PCDH11X: variants seen among roughly 807,000 people sequenced by gnomAD.
PCDH11X encodes the protein protocadherin 11 X-linked, also known as protocadherin-11 X-linked.
Under a neutral mutation model 53.3 loss-of-function variants are expected in PCDH11X, and 18 were observed. The ratio of observed to expected loss-of-function variants is 0.34; its 90% CI spans 0.23 to 0.50. PCDH11X has a LOEUF of 0.50. Ranked by LOEUF, PCDH11X falls within the 20% of genes least tolerant of loss-of-function variation. The pLI, the probability that PCDH11X is intolerant of heterozygous loss-of-function variation, is 0.98. For synonymous variants in PCDH11X, 279 were observed against 393.3 expected, an observed-to-expected ratio of 0.71 and a Z score of 3.44; for missense variants, 570 against 1,032.4, an observed-to-expected ratio of 0.55 and a Z score of 6.14.
chrX:92,327,796 CAATT>C (rs2069372904), intron 8 of PCDH11X, among the ~76,000 whole-genome samples: 1 of 98,680 alleles, frequency 1.0e-5, no homozygotes, highest in African/African-American at 3.7e-5. Flanking sequence ...AAGGTATTGA[CAATT>C]AAGATGCAAA....
intron 6 of PCDH11X, among the ~76,000 whole-genome samples, chrX:92,072,034 C>A (rs1018895921): frequency 2.7e-5 from 3 of 110,963 alleles, no homozygotes; most frequent in African/African-American, 9.8e-5. Flanking sequence ...TGTTCTCTTC[C>A]CTTTCCACAG....
Position 92,165,148 on chromosome X carries a change from T to G in PCDH11X, c.3034-36227T>G, listed in dbSNP as rs1413208291. ...GGATTAAGAGTAATTGACTCATTGATTGGATACAAATAAATCAATAATTTT... is the reference window on the plus strand; with the variant it reads ...GGATTAAGAGTAATTGACTCATTGAGTGGATACAAATAAATCAATAATTTT... On this transcript the variant is annotated intron_variant, in intron 6 of 10. Transcript: ENST00000682573. Among the ~76,000 whole-genome samples the G allele has an allele frequency of 5.4e-5, 6 of 111,260 alleles. No homozygotes were observed. In the East Asian group the frequency reaches 1.7e-3, roughly 32 times the overall value.
chrX:92,156,348 A>G (rs1227052730), intron 6 of PCDH11X, among the ~76,000 whole-genome samples: 2 of 109,805 alleles, frequency 1.8e-5, no homozygotes, highest in East Asian at 5.8e-4. Flanking sequence ...CATAAATATC[A>G]CATGATATTT....
At chrX:92,047,668 A>C (rs1239023088) in intron 6 of PCDH11X, among the ~76,000 whole-genome samples, 1 of 110,673 alleles carries the variant, frequency 9.0e-6, no homozygotes, top group Non-Finnish European at 1.9e-5. Flanking sequence ...TGTTGTTTCT[A>C]AGAAGTCAGA....
chrX:92,154,362 T>C (rs1408041408), intron 6 of PCDH11X, among the ~76,000 whole-genome samples: 14 of 110,163 alleles, frequency 1.3e-4, no homozygotes, highest in Non-Finnish European at 9.4e-5. Context: ...AAATTCTCAG[T>C]AGTTACTCTT....
At chrX:92,102,763 G>C (rs1248877735) in intron 6 of PCDH11X, among the ~76,000 whole-genome samples, 2 of 111,175 alleles carry the variant, frequency 1.8e-5, no homozygotes, top group East Asian at 2.8e-4. Context: ...GTAGAGGGAG[G>C]TATTGAGGAT....
intron 6 of PCDH11X, among the ~76,000 whole-genome samples, chrX:92,124,544 T>TA (rs1242306988): frequency 1.4e-3 from 133 of 94,324 alleles, no homozygotes; most frequent in Middle Eastern, 5.4e-3. Flanking sequence ...AAACTCCATT[T>TA]AAAAAAAAAA....
chrX:92,191,828 A>G (rs747617009), intron 6 of PCDH11X, among the ~76,000 whole-genome samples: 12 of 112,013 alleles, frequency 1.1e-4, no homozygotes, highest in Non-Finnish European at 2.3e-4. Context: ...TAGTGCCTCT[A>G]TTTGGCCATG....
At chrX:92,163,198 C>T (rs1162132233) in intron 6 of PCDH11X, among the ~76,000 whole-genome samples, 2 of 110,268 alleles carry the variant, frequency 1.8e-5, no homozygotes, top group Non-Finnish European at 3.8e-5. Flanking sequence ...CCCGCCAAAA[C>T]AGTGCTGAGT....
At chrX:91,823,732 TA>T (rs766033502) in intron 4 of PCDH11X, among the ~76,000 whole-genome samples, 6 of 111,359 alleles carry the variant, frequency 5.4e-5, no homozygotes, top group Non-Finnish European at 1.1e-4. Context: ...GTTAGCTGGT[TA>T]TTTTGCTTGT....
chrX:92,577,994 G>T (rs771374843), intron 10 of PCDH11X, among the ~76,000 whole-genome samples: 4 of 108,887 alleles, frequency 3.7e-5, no homozygotes, highest in East Asian at 5.7e-4. Flanking sequence ...ATGTGGCAAA[G>T]AATGCATATT....
intron 10 of PCDH11X, among the ~76,000 whole-genome samples, chrX:92,573,333 T>G (rs1922423292): frequency 8.9e-6 from 1 of 111,878 alleles, no homozygotes; most frequent in South Asian, 3.7e-4. Flanking sequence ...GCAATTGACC[T>G]GACATTTATT....
chrX:92,609,418 G>A (rs1428464785), intron 10 of PCDH11X, among the ~76,000 whole-genome samples: 1 of 111,013 alleles, frequency 9.0e-6, no homozygotes, highest in Admixed American at 9.6e-5. Context: ...CCAGCACTTG[G>A]TATTTTTAGT....
chrX:91,808,014 T>A (rs1936174782), intron 1 of PCDH11X, among the ~76,000 whole-genome samples: 1 of 109,424 alleles, frequency 9.1e-6, no homozygotes, highest in Non-Finnish European at 1.9e-5. Flanking sequence ...AAATACCTGA[T>A]TATTTATTTA....
Position 91,815,421 on chromosome X carries a change from C to A in PCDH11X, c.-45+4126C>A, listed in dbSNP as rs779073017. Among the ~76,000 whole-genome samples, 5 of 111,365 alleles carry A rather than the reference C, an allele frequency of 4.5e-5. No homozygotes were observed. In the South Asian group the frequency reaches 1.9e-3, roughly 42 times the overall value. ...AAATCATCAATATTGTTCATTAAGA[C>A]AATTGCAAAAAAATGATCTCTATGG... On this transcript the variant is annotated intron_variant, in intron 4 of 10. Transcript: ENST00000682573.
intron 10 of PCDH11X, among the ~76,000 whole-genome samples, chrX:92,612,071 C>T (rs1927453838): frequency 9.1e-6 from 1 of 109,588 alleles, no homozygotes; most frequent in African/African-American, 3.3e-5. Context: ...TGTGTCTTTG[C>T]CAGGTTTTGG....
intron 1 of PCDH11X, among the ~76,000 whole-genome samples, chrX:91,793,740 T>C (rs953422233): frequency 3.6e-5 from 4 of 111,431 alleles, no homozygotes; most frequent in African/African-American, 1.3e-4. Context: ...TTGGCTTAGA[T>C]ATAGACTGTT....
chrX:92,195,433 T>C lies in PCDH11X; in HGVS notation c.3034-5942T>C, dbSNP rs754112537. ...TGGAATCCTTATGGATAAATGAATA[T>C]ATTTCTCCCAAATTATTCATCTCGT... On this transcript the variant is annotated intron_variant, in intron 6 of 10. Coordinates refer to ENST00000682573, the MANE Select transcript of PCDH11X (RefSeq NM_032968.5). Among the ~76,000 whole-genome samples the C allele has an allele frequency of 1.5e-3, 170 of 111,801 alleles. 1 individual carries two copies. The highest frequency in any genetic ancestry group is 3.7e-3 in the Admixed American group (39 of 10,451).
chrX:92,294,141 CATTT>C (rs1305832696), intron 8 of PCDH11X, among the ~76,000 whole-genome samples: 3 of 109,646 alleles, frequency 2.7e-5, no homozygotes, highest in East Asian at 3.0e-4. Flanking sequence ...TTTATTCATT[CATTT>C]ATTTATTTAT....
Sources: allele counts gnomAD v4.1 joint callset (sites outside exome capture counted in the v4.1 genomes callset), GRCh38; gene constraint gnomAD v4.1.1; transcripts MANE v1.5; gene names NCBI Gene and HGNC (gene_info 2026-07-23, HGNC 2026-07-21).